PDE8B: variants seen among roughly 807,000 people sequenced by gnomAD.
PDE8B encodes phosphodiesterase 8B.
In PDE8B, 26 loss-of-function variants were observed where a neutral mutation model predicts 101.3. That is an observed-to-expected ratio of 0.26 (90% CI 0.19 to 0.36). PDE8B has a LOEUF of 0.36. Among genes scored for constraint, PDE8B ranks in the 10% least tolerant of loss-of-function variants. The probability of loss-of-function intolerance (pLI) is 1.00; values close to 1 mark genes in which losing one functional copy is unlikely to be tolerated. For missense variants in PDE8B, 810 were observed against 1,163.1 expected, an observed-to-expected ratio of 0.70 and a Z score of 4.42; for synonymous variants, 424 against 429.3, an observed-to-expected ratio of 0.99 and a Z score of 0.15.
intron 10 of PDE8B, among the ~76,000 whole-genome samples, chr5:77,370,940 ATCT>A (rs1369878242): frequency 2.6e-5 from 4 of 152,152 alleles, no homozygotes; most frequent in African/African-American, 9.7e-5. Flanking sequence ...TTTAAATGTC[ATCT>A]TTTGTAAAGT....
chr5:77,093,861 A>T, the PDE8B span, among the ~76,000 whole-genome samples: 1 of 152,078 alleles, frequency 6.6e-6, no homozygotes, highest in Non-Finnish European at 1.5e-5. Flanking sequence ...GCATGCCCTG[A>T]ACAAATGGGA....
intron 1 of PDE8B, among the ~76,000 whole-genome samples, chr5:77,229,322 G>A (rs1375282590): frequency 6.6e-6 from 1 of 152,312 alleles, no homozygotes; most frequent in Non-Finnish European, 1.5e-5. Flanking sequence ...GGTGGGACAC[G>A]CATTCACTAG....
At chr5:77,296,152 T>C (rs1768506802) in intron 1 of PDE8B, among the ~76,000 whole-genome samples, 1 of 146,934 alleles carries the variant, frequency 6.8e-6, no homozygotes, top group South Asian at 2.1e-4. Flanking sequence ...CCTCCTCCTC[T>C]TCTTCATCAT....
intron 12 of PDE8B, among the ~76,000 whole-genome samples, chr5:77,406,720 G>A (rs1793537971): frequency 6.6e-6 from 1 of 152,192 alleles, no homozygotes; most frequent in Non-Finnish European, 1.5e-5. Flanking sequence ...AAGATCTGAT[G>A]AGAACAGTGC....
chr5:77,321,876 A>G (rs181659577), intron 2 of PDE8B, among the ~76,000 whole-genome samples: 72 of 152,262 alleles, frequency 4.7e-4, no homozygotes, highest in African/African-American at 1.6e-3. Flanking sequence ...TTATTCAGGT[A>G]TGGTAAGGCC....
the PDE8B span, among the ~76,000 whole-genome samples, chr5:77,192,815 C>A: frequency 6.6e-6 from 1 of 152,186 alleles, no homozygotes; most frequent in Non-Finnish European, 1.5e-5. Flanking sequence ...TACGAGAATT[C>A]CAGTTGTTCT....
the PDE8B span, among the ~76,000 whole-genome samples, chr5:77,163,375 T>C: frequency 6.6e-6 from 1 of 152,232 alleles, no homozygotes; most frequent in Non-Finnish European, 1.5e-5. Context: ...TCAGTTGAAG[T>C]AATAGACAAG....
chr5:77,191,509 C>A, the PDE8B span, among the ~76,000 whole-genome samples: 1 of 152,152 alleles, frequency 6.6e-6, no homozygotes, highest in Admixed American at 6.5e-5. Context: ...CCCGCCACCA[C>A]ACCTGGCTAA....
At position 77,312,024 on chromosome 5, in the gene PDE8B, C is replaced by G; in HGVS notation, c.370C>G (p.Pro124Ala). The change falls in exon 2 of 22, where the codon CCC (proline) becomes GCC (alanine). Residue 124 changes from proline (P) to alanine (A), a missense_variant. Physicochemically the swap from Pro to Ala is conservative, Grantham distance 27. Transcript: ENST00000264917. The part of the protein sequence containing the change: ...QVSSAEVRIG[P>A]MRLTQDPIQV... ...GTCTTCTGCGGAGGTGCGCATCGGG[C>G]CCATGAGACTGACGCAGGACCCTAT... The G allele has an allele frequency of 6.2e-7, 1 of 1,613,200 alleles. No homozygotes were observed. The highest frequency in any genetic ancestry group is 8.5e-7 in the Non-Finnish European group (1 of 1,179,270).
At chr5:77,162,231 G>A in the PDE8B span, among the ~76,000 whole-genome samples, 9 of 151,770 alleles carry the variant, frequency 5.9e-5, no homozygotes, top group African/African-American at 2.2e-4. Flanking sequence ...TATATCTAAG[G>A]CTTATACACT....
chr5:77,248,790 G>A (rs1757486343), intron 1 of PDE8B, among the ~76,000 whole-genome samples: 1 of 152,164 alleles, frequency 6.6e-6, no homozygotes, highest in Non-Finnish European at 1.5e-5. Context: ...TGGAGATTGG[G>A]TCTTTAAGGT....
intron 1 of PDE8B, among the ~76,000 whole-genome samples, chr5:77,231,031 A>G (rs1284420715): frequency 6.6e-6 from 1 of 152,202 alleles, no homozygotes; most frequent in Admixed American, 6.5e-5. Flanking sequence ...CATTAACCCC[A>G]AATCATTGGA....
intron 1 of PDE8B, among the ~76,000 whole-genome samples, chr5:77,258,586 T>C (rs965147425): frequency 2.6e-5 from 4 of 152,212 alleles, no homozygotes; most frequent in African/African-American, 9.6e-5. Context: ...CTGGACCTGA[T>C]AGGATACCAT....
upstream of PDE8B, among the ~76,000 whole-genome samples, chr5:77,205,532 C>T (rs1190048338): frequency 9.4e-4 from 143 of 151,876 alleles, 1 homozygote; most frequent in Non-Finnish European, 7.4e-5. Flanking sequence ...TGATTCTCTC[C>T]CTTTTAAATT....
intron 1 of PDE8B, among the ~76,000 whole-genome samples, chr5:77,268,358 A>C (rs1762144523): frequency 6.6e-6 from 1 of 152,130 alleles, no homozygotes; most frequent in African/African-American, 2.4e-5. Context: ...GTCACAAACA[A>C]CCCAATTATG....
chr5:77,416,551 C>T lies in PDE8B; in HGVS notation c.1912-1678C>T, dbSNP rs1355025876. 2.0e-5 allele frequency among the ~76,000 whole-genome samples: 3 copies of T among 151,900 alleles called. No individual in the cohort carries two copies. In the East Asian group the frequency reaches 5.9e-4, roughly 30 times the overall value. On this transcript the variant is annotated intron_variant, in intron 17 of 21. Coordinates refer to ENST00000264917, the MANE Select transcript of PDE8B (RefSeq NM_003719.5). ...GCACTGCAGAATCAATCTCTGAGAA[C>T]AGCTGAGAAGAGTAACTTCTGCTGT...
chr5:77,384,192 T>C (rs755441215), intron 10 of PDE8B, among the ~76,000 whole-genome samples: 2 of 152,194 alleles, frequency 1.3e-5, no homozygotes, highest in Non-Finnish European at 2.9e-5. Flanking sequence ...CTTGAAAAGG[T>C]CCTTCACATC....
the PDE8B span, chr5:77,146,644 G>A: frequency 3.6e-6 from 1 of 279,190 alleles, no homozygotes; most frequent in Non-Finnish European, 7.0e-6. Context: ...GTCAGGAGGC[G>A]CATAAGAAGA....
the PDE8B span, chr5:77,148,584 A>T: frequency 6.6e-6 from 1 of 152,296 alleles, no homozygotes; most frequent in East Asian, 1.9e-4. Flanking sequence ...GTGGGGATGT[A>T]GTGATATCTT....
Sources: gnomAD v4.1 joint callset for allele counts (sites outside exome capture counted in the v4.1 genomes callset) on GRCh38, gnomAD v4.1.1 for gene constraint, MANE v1.5 for transcripts, NCBI Gene and HGNC (gene_info 2026-07-23, HGNC 2026-07-21) for gene names.